The following ACSM2A variants were observed in gnomAD, a reference collection of about 807,000 sequenced individuals.
The protein encoded by ACSM2A is acyl-coenzyme A synthetase ACSM2A, mitochondrial.
Under a neutral mutation model 76.6 loss-of-function variants are expected in ACSM2A, and 72 were observed. That is an observed-to-expected ratio of 0.94 (90% CI 0.78 to 1.14). ACSM2A has a LOEUF of 1.14. Among genes scored for constraint, ACSM2A ranks in the 50% most tolerant of loss-of-function variants. ACSM2A has a pLI of 0.00. For missense variants in ACSM2A, 684 were observed against 708.5 expected, an observed-to-expected ratio of 0.97 and a Z score of 0.39; for synonymous variants, 249 against 255.9, an observed-to-expected ratio of 0.97 and a Z score of 0.26.
chr16:20,473,458 C>T lies in ACSM2A; in HGVS notation c.894+1769C>T, dbSNP rs576952212. On this transcript the variant is annotated intron_variant, in intron 6 of 13. Transcript: ENST00000573854. ...TAGCAAATGAGTATGTAGTTACAAG[C>T]TGAGCTTCTAGTAAGGCAAAGCAAT... Among the ~76,000 whole-genome samples the T allele has an allele frequency of 3.9e-5, 6 of 152,218 alleles. No homozygotes were observed. In the East Asian group the frequency reaches 9.7e-4, roughly 24 times the overall value.
At chr16:20,474,184 G>C in intron 6 of ACSM2A, 2 of 343,086 alleles carry the variant, frequency 5.8e-6, no homozygotes, top group Non-Finnish European at 1.1e-5. Context: ...CATGGCCATG[G>C]TCACTCATGT....
At chr16:20,453,191 ACAGCCTCAC>A (rs1315399538) in intron 1 of ACSM2A, 1 of 152,050 alleles carries the variant, frequency 6.6e-6, no homozygotes, top group Non-Finnish European at 1.5e-5. Context: ...CTCACCATGC[ACAGCCTCAC>A]CAAGTATCTA....
At position 20,470,836 on chromosome 16, in the gene ACSM2A, A is replaced by T. The variant is rs1368043268; in HGVS notation, c.597-237A>T. Reference sequence around the variant, plus strand: ...TGCAGATATAAAGTCAGACACAGAGACGTTAAATAAGTAGTTTAAGGTTGC... The same window carrying T: ...TGCAGATATAAAGTCAGACACAGAGTCGTTAAATAAGTAGTTTAAGGTTGC... On this transcript the variant is annotated intron_variant, in intron 4 of 13. Transcript: ENST00000573854. 5.5e-5 allele frequency: 38 copies of T among 689,490 alleles called. No homozygotes were observed. The Admixed American group carries it at 7.5e-4, about 14-fold the overall frequency. The allele number at this position is 689,490 out of a possible 1,614,324, so 42.7% of individuals were successfully genotyped here. A position where few individuals can be genotyped will look rare whatever the true frequency, so the allele number is the denominator to read the frequency against.
intron 1 of ACSM2A, among the ~76,000 whole-genome samples, chr16:20,458,809 A>C (rs148586908): frequency 7.0e-6 from 1 of 142,564 alleles, no homozygotes; most frequent in Non-Finnish European, 1.5e-5. Flanking sequence ...TATAATATAT[A>C]TATTATATAA....
In ACSM2A at chr16:20,475,417, T is replaced by C. The variant is rs766398684; in HGVS notation, c.950T>C (p.Met317Thr). ...SMMGAPIVYR[M>T]LLQQDLSSYK... ...ATGGGTGCCCCCATTGTTTACCGGA[T>C]GTTGCTACAGCAGGATCTTTCCAGG... Residue 317 changes from methionine (M) to threonine (T), a missense_variant, in exon 7 of 14, where the codon ATG becomes ACG. Transcript: ENST00000573854. 6.8e-6 allele frequency: 11 copies of C among 1,613,822 alleles called. No homozygotes were observed. In the East Asian group the frequency reaches 1.1e-4, roughly 16 times the overall value.
chr16:20,455,737 A>T (rs1457812775), intron 1 of ACSM2A, among the ~76,000 whole-genome samples: 4 of 121,034 alleles, frequency 3.3e-5, no homozygotes, highest in African/African-American at 5.5e-5. Context: ...AAAATACAAT[A>T]AAAAAAAAAC....
Position 20,478,686 on chromosome 16 carries a change from C to T in ACSM2A, c.1281+9C>T, listed in dbSNP as rs753443009. 2.9e-5 allele frequency: 47 copies of T among 1,608,576 alleles called. No homozygotes were observed. Among genetic ancestry groups the T allele is most frequent in the Non-Finnish European group, 3.7e-5 (43 of 1,176,226 alleles). On this transcript the variant is annotated intron_variant, in intron 10 of 13. Coordinates refer to ENST00000573854, the MANE Select transcript of ACSM2A (RefSeq NM_001308172.2). Reference sequence around the variant, plus strand: ...TCTTCTCTGGCTATGTGGTGAGAAACTGTGCTCCTCCTCCTCTGTTCCCCA... The same window carrying T: ...TCTTCTCTGGCTATGTGGTGAGAAATTGTGCTCCTCCTCCTCTGTTCCCCA...
intron 13 of ACSM2A, 135 bp downstream of exon 13, chr16:20,483,312 G>A (rs1369429762): frequency 4.3e-6 from 6 of 1,386,378 alleles, no homozygotes; most frequent in Middle Eastern, 2.8e-4. Flanking sequence ...GCTCACGCCT[G>A]TAATCCCAGC....
rs570921102 is a variant in ACSM2A, at chr16:20,461,110, G to T, written c.177+819G>T. On this transcript the variant is annotated intron_variant, in intron 2 of 13. Coordinates refer to ENST00000573854, the MANE Select transcript of ACSM2A (RefSeq NM_001308172.2). ...CTATGACTCTTTCTGTAGGATGGAA[G>T]GATTCATTCTGGCTAGGGTAGGGGA... 1.7e-4 allele frequency among the ~76,000 whole-genome samples: 25 copies of T among 145,766 alleles called. 1 individual carries two copies. The highest frequency in any genetic ancestry group is 6.6e-4 in the African/African-American group (25 of 38,000).
chr16:20,480,791 A>C, intron 11 of ACSM2A, 31 bp from the exon 12 acceptor site: 1 of 1,613,818 alleles, frequency 6.2e-7, no homozygotes, highest in Non-Finnish European at 8.5e-7. Context: ...TTCGGTGTCC[A>C]GTGTTCTCTG....
intron 6 of ACSM2A, 60 bp from the exon 7 acceptor site, chr16:20,475,302 A>C (rs2013666948): frequency 1.9e-6 from 3 of 1,612,524 alleles, no homozygotes. Flanking sequence ...ACCACTGTGC[A>C]TAGCCATAAG....
intron 2 of ACSM2A, 146 bp from the exon 3 acceptor site, chr16:20,465,371 G>A: frequency 2.7e-6 from 3 of 1,093,308 alleles, no homozygotes; most frequent in Non-Finnish European, 3.9e-6. Context: ...CAAGTCTTTA[G>A]AATTTTCAAT....
chr16:20,483,655 A>G (rs1395013548), intron 13 of ACSM2A, among the ~76,000 whole-genome samples: 1 of 149,290 alleles, frequency 6.7e-6, no homozygotes, highest in Non-Finnish European at 1.5e-5. Context: ...GATGCCTGAA[A>G]AATGACCTCA....
chr16:20,476,409 C>T, intron 8 of ACSM2A: 1 of 985,810 alleles, frequency 1.0e-6, no homozygotes, highest in African/African-American at 1.7e-5. Flanking sequence ...CTCTTCCTCT[C>T]CACTCTCTTA....
At chr16:20,470,257 G>A (rs914152464) in intron 4 of ACSM2A, among the ~76,000 whole-genome samples, 5 of 152,194 alleles carry the variant, frequency 3.3e-5, no homozygotes, top group Non-Finnish European at 4.4e-5. Context: ...CCAAGGTCAT[G>A]AGGGAAAACC....
At chr16:20,476,505 G>A (rs2013746130) in intron 8 of ACSM2A, 1 of 985,400 alleles carries the variant, frequency 1.0e-6, no homozygotes, top group Non-Finnish European at 1.2e-6. Flanking sequence ...AAAGAGCCAG[G>A]AAGAGCTCTG....
intron 3 of ACSM2A, among the ~76,000 whole-genome samples, chr16:20,467,554 GC>G (rs1486760227): frequency 1.3e-5 from 2 of 152,128 alleles, no homozygotes; most frequent in African/African-American, 4.8e-5. Context: ...GATTTAACAG[GC>G]AATTGGGGGG....
chr16:20,483,602 A>AAAAAT (rs2014230952), intron 13 of ACSM2A, among the ~76,000 whole-genome samples: 3 of 138,306 alleles, frequency 2.2e-5, no homozygotes, highest in Non-Finnish European at 4.6e-5. Context: ...AAAAAAAAAA[A>AAAAAT]GTCTTTCTAT....
intron 6 of ACSM2A, chr16:20,473,944 T>G: frequency 5.0e-6 from 2 of 396,368 alleles, no homozygotes; most frequent in South Asian, 3.9e-5. Context: ...GGCATTCCTT[T>G]CTATTGATCC....
Sources: allele counts gnomAD v4.1 joint callset (sites outside exome capture counted in the v4.1 genomes callset), GRCh38; gene constraint gnomAD v4.1.1; transcripts MANE v1.5; gene names NCBI Gene and HGNC (gene_info 2026-07-23, HGNC 2026-07-21).